The following XKR4 variants were observed in gnomAD, a reference collection of about 807,000 sequenced individuals.
The protein encoded by XKR4 is XK-related protein 4.
Under a neutral mutation model 53.9 loss-of-function variants are expected in XKR4, and 12 were observed. The observed-to-expected ratio is 0.22, with a 90% CI of 0.14 to 0.36. The LOEUF (loss-of-function observed/expected upper bound fraction) is 0.36, where lower values mean the gene tolerates loss of function less well. Among genes scored for constraint, XKR4 ranks in the 10% least tolerant of loss-of-function variants. The probability of loss-of-function intolerance (pLI) is 1.00; values close to 1 mark genes in which losing one functional copy is unlikely to be tolerated. For missense variants in XKR4, 799 were observed against 859.5 expected (o/e 0.93, Z 0.88); for synonymous variants, 354 against 362.4 (o/e 0.98, Z 0.26).
At chr8:55,372,654 TTAAA>T in intron 2 of XKR4, among the ~76,000 whole-genome samples, 1 of 152,210 alleles carries the variant, frequency 6.6e-6, no homozygotes, top group African/African-American at 2.4e-5. Flanking sequence ...CCACAACCTC[TTAAA>T]TAGTTTTCAC....
At chr8:55,337,184 G>A (rs888514395) in intron 1 of XKR4, among the ~76,000 whole-genome samples, 5 of 152,024 alleles carry the variant, frequency 3.3e-5, no homozygotes, top group Admixed American at 3.3e-4. Flanking sequence ...TCACTAAAAA[G>A]GGCCCTAGTG....
chr8:55,262,498 C>T (rs1268450511), intron 1 of XKR4, among the ~76,000 whole-genome samples: 4 of 152,156 alleles, frequency 2.6e-5, no homozygotes, highest in African/African-American at 9.7e-5. Context: ...GAAGGTAGAG[C>T]CCCAGTGATG....
intron 2 of XKR4, among the ~76,000 whole-genome samples, chr8:55,459,138 T>C (rs1014282628): frequency 2.0e-5 from 3 of 152,204 alleles, no homozygotes; most frequent in African/African-American, 4.8e-5. Context: ...TTATGGTCAA[T>C]TGAGTTTTAA....
intron 1 of XKR4, among the ~76,000 whole-genome samples, chr8:55,338,494 G>T (rs545350863): frequency 6.6e-6 from 1 of 152,192 alleles, no homozygotes; most frequent in South Asian, 2.1e-4. Flanking sequence ...ATAGAGGGGG[G>T]CATTTATCCA....
intron 2 of XKR4, among the ~76,000 whole-genome samples, chr8:55,426,583 A>AT (rs1803134373): frequency 6.6e-6 from 1 of 152,138 alleles, no homozygotes; most frequent in African/African-American, 2.4e-5. Context: ...TTCTTCTTTG[A>AT]TCCCCAGAAC....
At chr8:55,375,646 A>G (rs1005591887) in intron 2 of XKR4, among the ~76,000 whole-genome samples, 19 of 152,150 alleles carry the variant, frequency 1.2e-4, no homozygotes, top group Admixed American at 3.9e-4. Context: ...TTTTTAGCAC[A>G]GAATACTTTT....
chr8:55,329,099 GTGT>G (rs1213941435), intron 1 of XKR4, among the ~76,000 whole-genome samples: 1 of 152,152 alleles, frequency 6.6e-6, no homozygotes, highest in Admixed American at 6.6e-5. Context: ...TGATTTAATA[GTGT>G]TGTGTTTTCT....
intron 1 of XKR4, among the ~76,000 whole-genome samples, chr8:55,217,753 GAT>G (rs1817826172): frequency 1.4e-5 from 2 of 147,680 alleles, no homozygotes; most frequent in Non-Finnish European, 3.0e-5. Flanking sequence ...TAGATAGATA[GAT>G]AGATAGATAG....
At chr8:55,182,821 C>CA (rs35375775) in intron 1 of XKR4, among the ~76,000 whole-genome samples, 131,997 of 151,960 alleles carry the variant, frequency 0.87, 57,645 homozygotes, top group African/African-American at 0.96. Flanking sequence ...TTAACATATA[C>CA]AAAAAATTAT....
chr8:55,134,453 A>G (rs1563464888), intron 1 of XKR4, among the ~76,000 whole-genome samples: 1 of 152,250 alleles, frequency 6.6e-6, no homozygotes, highest in Non-Finnish European at 1.5e-5. Flanking sequence ...AAACCTAGGA[A>G]AGGACAAAAA....
At chr8:55,324,538 A>T (rs11985282) in intron 1 of XKR4, among the ~76,000 whole-genome samples, 1 of 152,112 alleles carries the variant, frequency 6.6e-6, no homozygotes, top group Non-Finnish European at 1.5e-5. Flanking sequence ...CAAACATGCC[A>T]TTTTCCTCTG....
At chr8:55,405,899 T>C (rs1181538444) in intron 2 of XKR4, among the ~76,000 whole-genome samples, 3 of 152,172 alleles carry the variant, frequency 2.0e-5, no homozygotes, top group Admixed American at 1.3e-4. Flanking sequence ...TCCTTCTCTG[T>C]AAGTGAGCCC....
intron 2 of XKR4, among the ~76,000 whole-genome samples, chr8:55,379,850 G>A (rs1036826604): frequency 6.6e-5 from 10 of 152,230 alleles, no homozygotes; most frequent in African/African-American, 2.4e-4. Context: ...ATCCAGGCTG[G>A]TGCACCAAGC....
intron 1 of XKR4, among the ~76,000 whole-genome samples, chr8:55,242,829 G>C (rs889957544): frequency 6.6e-6 from 1 of 152,104 alleles, no homozygotes; most frequent in Non-Finnish European, 1.5e-5. Flanking sequence ...TCTACAGAGA[G>C]CTGTCTGTTA....
At chr8:55,449,621 T>C (rs913534618) in intron 2 of XKR4, 30 of 1,075,654 alleles carry the variant, frequency 2.8e-5, no homozygotes, top group African/African-American at 4.6e-5. Context: ...AAAGAAGGCC[T>C]TCTCATCCAC....
intron 1 of XKR4, among the ~76,000 whole-genome samples, chr8:55,280,557 G>A (rs757267888): frequency 2.6e-5 from 4 of 152,168 alleles, no homozygotes; most frequent in Admixed American, 6.5e-5. Context: ...AAGAAGCACA[G>A]CTTAAGCCTA....
intron 2 of XKR4, among the ~76,000 whole-genome samples, chr8:55,512,203 G>C (rs531401223): frequency 6.6e-6 from 1 of 152,300 alleles, no homozygotes; most frequent in Non-Finnish European, 1.5e-5. Flanking sequence ...CTTCACCCAA[G>C]TATTGAGATA....
intron 1 of XKR4, among the ~76,000 whole-genome samples, chr8:55,160,643 G>A (rs889938379): frequency 6.6e-6 from 1 of 152,146 alleles, no homozygotes; most frequent in Non-Finnish European, 1.5e-5. Flanking sequence ...AATTCCCTAT[G>A]AGTATGCATT....
At chr8:55,216,092 C>T (rs990752165) in intron 1 of XKR4, among the ~76,000 whole-genome samples, 1 of 152,116 alleles carries the variant, frequency 6.6e-6, no homozygotes, top group Non-Finnish European at 1.5e-5. Flanking sequence ...AGTCATTGAA[C>T]ATTTTTATAG....
Sources: gnomAD v4.1 joint callset for allele counts (sites outside exome capture counted in the v4.1 genomes callset) on GRCh38, gnomAD v4.1.1 for gene constraint, MANE v1.5 for transcripts, NCBI Gene and HGNC (gene_info 2026-07-23, HGNC 2026-07-21) for gene names.